Variants in CD96 observed in about 807,000 individuals in gnomAD.
The protein encoded by CD96 is T-cell surface protein tactile.
CD96 carries 70 observed loss-of-function variants against 71.3 expected under a neutral mutation model. The ratio of observed to expected loss-of-function variants is 0.98; its 90% CI spans 0.81 to 1.20. The LOEUF is 1.20. Among genes scored for constraint, CD96 ranks in the 50% most tolerant of loss-of-function variants. The pLI is 0.00. For missense variants in CD96, 742 were observed against 677.5 expected (o/e 1.10, Z -1.06); for synonymous variants, 248 against 233.0 (o/e 1.06, Z -0.59).
intron 7 of CD96, among the ~76,000 whole-genome samples, chr3:111,603,408 A>G (rs963588025): frequency 2.0e-5 from 3 of 151,494 alleles, no homozygotes; most frequent in Admixed American, 6.6e-5. Context: ...TCATGCCACT[A>G]CACTCCAGCC....
chr3:111,561,467 CT>C (rs1163882035), intron 2 of CD96, among the ~76,000 whole-genome samples: 8 of 139,226 alleles, frequency 5.7e-5, no homozygotes, highest in Admixed American at 1.5e-4. Flanking sequence ...AATACCCTGC[CT>C]TGTGAGGTGT....
At chr3:111,555,808 C>T (rs1934981659) in intron 2 of CD96, among the ~76,000 whole-genome samples, 1 of 152,284 alleles carries the variant, frequency 6.6e-6, no homozygotes, top group Non-Finnish European at 1.5e-5. Context: ...TTTAAATAAT[C>T]AAATATGTGA....
chr3:111,630,480 G>A lies in CD96; in HGVS notation c.1321+6076G>A, dbSNP rs143626646. 2.2e-3 allele frequency among the ~76,000 whole-genome samples: 341 copies of A among 152,194 alleles called. 1 individual carries two copies. The highest frequency in any genetic ancestry group is 8.0e-3 in the African/African-American group (331 of 41,518). On this transcript the variant is annotated intron_variant, in intron 10 of 13. Transcript: ENST00000352690. The stretch of plus-strand genomic sequence containing the variant: ...CAGGAAGAAACTGAATCCCTGAATA[G>A]ACCAATAACAAGTTCTGAAATTGAG...
At chr3:111,610,493 T>C (rs563776049) in intron 8 of CD96, among the ~76,000 whole-genome samples, 2 of 152,352 alleles carry the variant, frequency 1.3e-5, no homozygotes, top group East Asian at 3.9e-4. Flanking sequence ...AAGCATCCAA[T>C]TCTTATTTTT....
intron 3 of CD96, among the ~76,000 whole-genome samples, chr3:111,578,500 G>A (rs1404966545): frequency 6.6e-6 from 1 of 152,180 alleles, no homozygotes; most frequent in African/African-American, 2.4e-5. Flanking sequence ...ACTCACTGTT[G>A]GGTGTCAACA....
chr3:111,652,722 C>T (rs1940134677), downstream of CD96, among the ~76,000 whole-genome samples: 2 of 152,104 alleles, frequency 1.3e-5, no homozygotes, highest in African/African-American at 2.4e-5. Flanking sequence ...GAACTTTTCA[C>T]AAACCTGCAA....
intron 4 of CD96, among the ~76,000 whole-genome samples, chr3:111,583,558 G>A (rs1385841326): frequency 6.6e-6 from 1 of 152,240 alleles, no homozygotes; most frequent in East Asian, 1.9e-4. Context: ...GCAAACTTTT[G>A]CTGGGTATTC....
intron 2 of CD96, among the ~76,000 whole-genome samples, chr3:111,561,588 T>A (rs1263692974): frequency 6.9e-6 from 1 of 145,914 alleles, no homozygotes; most frequent in Non-Finnish European, 1.5e-5. Flanking sequence ...AGCTGCGTGC[T>A]GGGAGAACCA....
Position 111,598,181 on chromosome 3 carries a change from A to T in CD96, c.869A>T (p.Asp290Val), listed in dbSNP as rs1937343849. 2 of 1,464,408 alleles carry T rather than the reference A, an allele frequency of 1.4e-6. No individual in the cohort carries two copies. Among genetic ancestry groups the T allele is most frequent in the Non-Finnish European group, 1.9e-6 (2 of 1,044,120 alleles). 90.7% of individuals were successfully genotyped at this position (1,464,408 alleles called of 1,614,324 possible). A position where few individuals can be genotyped will look rare whatever the true frequency, so the allele number is the denominator to read the frequency against. The part of the protein sequence containing the change: ...FPKANITWFI[D>V]GSFLHDEKEG... ...AAAGCAAATATCACATGGTTTATAG[A>T]TGGAAGTTTTCTTCATGATGAAAAA... The change falls in exon 6 of 14, where the codon GAT (aspartate) becomes GTT (valine). Residue 290 changes from aspartate to valine, a missense_variant. Physicochemically the swap from Asp to Val is radical, Grantham distance 152 (BLOSUM62 -3). Coordinates refer to ENST00000352690, the MANE Select transcript of CD96 (RefSeq NM_005816.5).
intron 2 of CD96, 133 bp from the exon 3 acceptor site, chr3:111,567,390 G>A: frequency 1.4e-6 from 1 of 699,056 alleles, no homozygotes; most frequent in Non-Finnish European, 2.5e-6. Flanking sequence ...GTGGGAGTTT[G>A]CCTCTCTTTT....
chr3:111,661,106 G>A (rs1212270251), intron 14 of CD96, among the ~76,000 whole-genome samples: 5 of 152,296 alleles, frequency 3.3e-5, no homozygotes, highest in African/African-American at 1.2e-4. Flanking sequence ...GAAGGGTGAA[G>A]GGGAACCAAG....
At chr3:111,576,955 C>G (rs1477429442) in intron 3 of CD96, among the ~76,000 whole-genome samples, 4 of 152,152 alleles carry the variant, frequency 2.6e-5, no homozygotes, top group Non-Finnish European at 4.4e-5. Flanking sequence ...GTCTTAGGAT[C>G]TCCTTATATT....
At chr3:111,581,804 T>G (rs1052702894) in intron 4 of CD96, among the ~76,000 whole-genome samples, 3 of 152,230 alleles carry the variant, frequency 2.0e-5, no homozygotes, top group African/African-American at 7.2e-5. Flanking sequence ...CATCCATTAG[T>G]GTTTCAGGTT....
intron 2 of CD96, among the ~76,000 whole-genome samples, chr3:111,549,876 A>G (rs1340474526): frequency 6.6e-6 from 1 of 152,196 alleles, no homozygotes; most frequent in African/African-American, 2.4e-5. Context: ...GACGTTAGGT[A>G]AACTGGATAT....
chr3:111,595,794 G>A (rs923047464), intron 5 of CD96, among the ~76,000 whole-genome samples: 1 of 151,890 alleles, frequency 6.6e-6, no homozygotes, highest in Admixed American at 6.6e-5. Context: ...AACCTACCAA[G>A]AGGAGATAGG....
Position 111,600,902 on chromosome 3 carries a change from A to G in CD96, c.1075A>G (p.Thr359Ala), listed in dbSNP as rs1386423128. 3 of 1,604,230 alleles carry G rather than the reference A, an allele frequency of 1.9e-6. No individual in the cohort carries two copies. The highest frequency in any genetic ancestry group is 2.6e-6 in the Non-Finnish European group (3 of 1,171,178). The change falls in exon 7 of 14, where the codon ACT (threonine) becomes GCT (alanine). Residue 359 changes from threonine to alanine, a missense_variant. Physicochemically the swap from Thr to Ala is moderately conservative, Grantham distance 58. Transcript: ENST00000352690. Reference protein sequence around the residue: ...KVWNISSEKITFLLGSEISST... With the variant: ...KVWNISSEKIAFLLGSEISST... Reference sequence around the variant, plus strand: ...GTGGAACATCTCATCAGAAAAGATCACTTTTCTCTTAGGTGAGTTGTCTAT... The same window carrying G: ...GTGGAACATCTCATCAGAAAAGATCGCTTTTCTCTTAGGTGAGTTGTCTAT...
chr3:111,603,421 G>A (rs1420824047), intron 7 of CD96, among the ~76,000 whole-genome samples: 1 of 151,646 alleles, frequency 6.6e-6, no homozygotes, highest in Non-Finnish European at 1.5e-5. Context: ...CTCCAGCCTG[G>A]GCAACAGAGC....
At chr3:111,575,029 A>G (rs922319473) in intron 3 of CD96, among the ~76,000 whole-genome samples, 1 of 152,082 alleles carries the variant, frequency 6.6e-6, no homozygotes, top group Admixed American at 6.5e-5. Flanking sequence ...CCTGGGCTCA[A>G]GAAATCCACC....
chr3:111,649,794 G>A lies in CD96; in HGVS notation c.1698G>A (p.Met566Ile). Residue 566 changes from methionine (M) to isoleucine (I), a missense_variant, in exon 14 of 14, where the codon ATG (methionine) becomes ATA (isoleucine). Coordinates refer to ENST00000352690, the MANE Select transcript of CD96 (RefSeq NM_005816.5). ...PNESDLPYHE[M>I]ETL ...AAAGTGATCTGCCTTATCATGAGAT[G>A]GAGACCCTCTAGTCTCGTGAGACTT... 6.3e-7 allele frequency: 1 copy of A among 1,596,638 alleles called. No individual in the cohort carries two copies. Among genetic ancestry groups the A allele is most frequent in the South Asian group, 1.1e-5 (1 of 90,746 alleles).
Sources: allele counts gnomAD v4.1 joint callset (sites outside exome capture counted in the v4.1 genomes callset), GRCh38; gene constraint gnomAD v4.1.1; transcripts MANE v1.5; gene names NCBI Gene and HGNC (gene_info 2026-07-23, HGNC 2026-07-21).